RAD51AP2: variants seen among roughly 807,000 people sequenced by gnomAD.
The protein encoded by RAD51AP2 is RAD51 associated protein 2.
A neutral mutation model predicts 85.5 loss-of-function variants in RAD51AP2; 67 were observed. That is an observed-to-expected ratio of 0.78 (90% CI 0.64 to 0.96). The LOEUF is 0.96. RAD51AP2 is among the 40% of genes least tolerant of loss of function. The pLI, the probability that RAD51AP2 is intolerant of heterozygous loss-of-function variation, is 0.00. For synonymous variants in RAD51AP2, 474 were observed against 446.5 expected (o/e 1.06, Z -0.78); for missense variants, 1,307 against 1,332.4 (o/e 0.98, Z 0.30).
At chr2:17,513,527 G>T (rs369148340) in intron 2 of RAD51AP2, among the ~76,000 whole-genome samples, 1 of 152,056 alleles carries the variant, frequency 6.6e-6, no homozygotes, top group Non-Finnish European at 1.5e-5. Flanking sequence ...GTGAGCCACC[G>T]TGCCTGGCCT....
chr2:17,536,892 A>C, the RAD51AP2 span, among the ~76,000 whole-genome samples: 1 of 152,224 alleles, frequency 6.6e-6, no homozygotes. Flanking sequence ...AGGGGCACAG[A>C]CATATACAAT....
At chr2:17,532,505 A>AC in the RAD51AP2 span, among the ~76,000 whole-genome samples, 1 of 151,570 alleles carries the variant, frequency 6.6e-6, no homozygotes, top group East Asian at 1.9e-4. Context: ...ACATAACGAG[A>AC]CCCCCACCTC....
chr2:17,537,427 C>A, the RAD51AP2 span, among the ~76,000 whole-genome samples: 2 of 152,276 alleles, frequency 1.3e-5, no homozygotes, highest in South Asian at 4.2e-4. Flanking sequence ...GGTATGCTAT[C>A]CATAGAAGTA....
chr2:17,520,378 C>G (rs925948459), upstream of RAD51AP2, among the ~76,000 whole-genome samples: 34 of 151,950 alleles, frequency 2.2e-4, no homozygotes, highest in African/African-American at 8.2e-4. Flanking sequence ...ATTATGTCTT[C>G]AACTCATCAT....
At chr2:17,537,705 G>A in the RAD51AP2 span, among the ~76,000 whole-genome samples, 1 of 152,016 alleles carries the variant, frequency 6.6e-6, no homozygotes, top group Non-Finnish European at 1.5e-5. Flanking sequence ...TTTTCAATTC[G>A]TCCACGTCAC....
At chr2:17,521,166 C>A (rs775254332), upstream of RAD51AP2, among the ~76,000 whole-genome samples, 22 of 152,110 alleles carry the variant, frequency 1.4e-4, no homozygotes, top group Non-Finnish European at 2.8e-4. Flanking sequence ...TACTCATTTA[C>A]CAACTCAAAT....
chr2:17,528,305 T>G, the RAD51AP2 span, among the ~76,000 whole-genome samples: 2 of 152,192 alleles, frequency 1.3e-5, no homozygotes. Context: ...AAGTGTTTAT[T>G]TTGTGATTTT....
chr2:17,527,836 A>G, the RAD51AP2 span, among the ~76,000 whole-genome samples: 124 of 152,316 alleles, frequency 8.1e-4, 1 homozygote, highest in Admixed American at 3.5e-3. Flanking sequence ...AAAAGCATAA[A>G]TGGAGTTCAA....
At chr2:17,519,099 T>TA (rs201682637), upstream of RAD51AP2, among the ~76,000 whole-genome samples, 30 of 148,954 alleles carry the variant, frequency 2.0e-4, no homozygotes, top group East Asian at 3.9e-4. Flanking sequence ...CACTTAAGAC[T>TA]AAAAAAAAAA....
At chr2:17,524,003 A>G in the RAD51AP2 span, among the ~76,000 whole-genome samples, 1 of 151,958 alleles carries the variant, frequency 6.6e-6, no homozygotes, top group African/African-American at 2.4e-5. Flanking sequence ...CTGATGCTGA[A>G]TGAAATATTT....
Position 17,517,355 on chromosome 2 carries a change from C to T in RAD51AP2, c.1061G>A (p.Ser354Asn), listed in dbSNP as rs759411102. 5 of 1,613,754 alleles carry T rather than the reference C, an allele frequency of 3.1e-6. No homozygotes were observed. Among genetic ancestry groups the T allele is most frequent in the Non-Finnish European group, 4.2e-6 (5 of 1,179,912 alleles). ...DLISSNYCNC[S>N]SIQCNVRDSR... Reference sequence around the variant, plus strand: ...GTCTCTTACATTACACTGGATACTACTGCAGTTACAGTAGTTTGAACTGAT... The same window carrying T: ...GTCTCTTACATTACACTGGATACTATTGCAGTTACAGTAGTTTGAACTGAT... Residue 354 changes from serine to asparagine, a missense_variant, in exon 1 of 3, where the codon AGT (serine) becomes AAT (asparagine). Ser to Asn is a conservative substitution (Grantham distance 46, BLOSUM62 1). This residue lies in a region of RAD51AP2 where 635 missense variants were observed against 643.6 expected (regional missense o/e 0.99). Coordinates refer to ENST00000399080, the MANE Select transcript of RAD51AP2 (RefSeq NM_001099218.3).
chr2:17,526,804 A>C, the RAD51AP2 span, among the ~76,000 whole-genome samples: 1 of 152,186 alleles, frequency 6.6e-6, no homozygotes, highest in Non-Finnish European at 1.5e-5. Context: ...GTTTGGATAT[A>C]CAACAGTCAA....
chr2:17,536,528 C>T, the RAD51AP2 span, among the ~76,000 whole-genome samples: 1 of 152,350 alleles, frequency 6.6e-6, no homozygotes, highest in African/African-American at 2.4e-5. Flanking sequence ...AGGCTGCACA[C>T]TACCTGTATT....
At chr2:17,528,563 A>G in the RAD51AP2 span, among the ~76,000 whole-genome samples, 1 of 152,114 alleles carries the variant, frequency 6.6e-6, no homozygotes, top group African/African-American at 2.4e-5. Flanking sequence ...ATAAAGTCAG[A>G]TAGGCACGGT....
the RAD51AP2 span, among the ~76,000 whole-genome samples, chr2:17,531,999 A>T: frequency 6.6e-6 from 1 of 151,972 alleles, no homozygotes; most frequent in Non-Finnish European, 1.5e-5. Context: ...TTGAATCCAC[A>T]TCTCTTAATT....
rs1263308049 is a variant in RAD51AP2, at chr2:17,516,858, T to C, written c.1558A>G (p.Ile520Val). 1 of 1,550,394 alleles carries C rather than the reference T, an allele frequency of 6.4e-7. No homozygotes were observed. The highest frequency in any genetic ancestry group is 8.7e-7 in the Non-Finnish European group (1 of 1,149,420). ...CTATTATCTTTTTTATTTCCTGAAA[T>C]ACTTTTATGGAAATAAAAAATTTCT... ...IIEIFYFHKS[I>V]SGNKKDNSIL... The change falls in exon 1 of 3, where the codon ATT (isoleucine) becomes GTT (valine). Residue 520 changes from isoleucine (I) to valine (V), a missense_variant. By Grantham distance (29) the Ile-to-Val change is conservative. Around this residue, in one of 3 missense-constraint regions of RAD51AP2, gnomAD observed 635 missense variants for 643.6 expected, o/e 0.99. Coordinates refer to ENST00000399080, the MANE Select transcript of RAD51AP2 (RefSeq NM_001099218.3).
upstream of RAD51AP2, among the ~76,000 whole-genome samples, chr2:17,519,314 T>C (rs1179337110): frequency 1.3e-5 from 2 of 151,824 alleles, no homozygotes; most frequent in Non-Finnish European, 2.9e-5. Flanking sequence ...CAGTCAATTC[T>C]GGTTTTTGTG....
upstream of RAD51AP2, among the ~76,000 whole-genome samples, chr2:17,522,460 A>T (rs35070433): frequency 0.26 from 39,051 of 151,702 alleles, 5,639 homozygotes; most frequent in Non-Finnish European, 0.33. Context: ...TAACTTCTAA[A>T]TTTCTCCGCA....
the RAD51AP2 span, among the ~76,000 whole-genome samples, chr2:17,525,197 T>C: frequency 6.6e-6 from 1 of 152,024 alleles, no homozygotes; most frequent in Non-Finnish European, 1.5e-5. Context: ...CATTATGATA[T>C]AGTAACTTGC....
Sources: gnomAD v4.1 joint callset for allele counts (sites outside exome capture counted in the v4.1 genomes callset) on GRCh38, gnomAD v4.1.1 for gene constraint, gnomAD v4.1.1 regional missense constraint, MANE v1.5 for transcripts, NCBI Gene and HGNC (gene_info 2026-07-23, HGNC 2026-07-21) for gene names.